LTBP4: variants seen among roughly 807,000 people sequenced by gnomAD.
LTBP4 encodes the protein latent transforming growth factor beta binding protein 4.
A neutral mutation model predicts 180.2 loss-of-function variants in LTBP4; 93 were observed. The observed-to-expected ratio is 0.52, with a 90% CI of 0.44 to 0.61. LTBP4 has a LOEUF of 0.61. LTBP4 is among the 20% of genes least tolerant of loss of function. The pLI is 0.00. For synonymous variants in LTBP4, 947 were observed against 934.5 expected (o/e 1.01, Z -0.24); for missense variants, 2,116 against 2,256.5 (o/e 0.94, Z 1.26).
At chr19:40,599,299 TAGG>T (rs1442502269), upstream of LTBP4, 5 of 1,613,078 alleles carry the variant, frequency 3.1e-6, no homozygotes, top group Admixed American at 6.7e-5. Context: ...CAAAAGGGAA[TAGG>T]AGGAGAGGGG....
Position 40,623,718 on chromosome 19 carries a change from G to A in LTBP4, c.3671G>A (p.Arg1224Gln), listed in dbSNP as rs1184865089. The A allele has an allele frequency of 6.2e-7, 1 of 1,613,822 alleles. No homozygotes were observed. Among genetic ancestry groups the A allele is most frequent in the Non-Finnish European group, 8.5e-7 (1 of 1,179,860 alleles). Reference protein sequence around the residue: ...CSNGYYYHTQRLECIDNDECA... With the variant: ...CSNGYYYHTQQLECIDNDECA... ...AACGGCTACTACTACCACACACAGC[G>A]GCTGGAGTGCATCGGTACAAGCCCC... is the stretch of plus-strand genomic sequence containing the variant. The change falls in exon 25 of 30, where the codon CGG (arginine) becomes CAG (glutamine). Residue 1224 changes from arginine to glutamine, a missense_variant. Transcript: ENST00000396819.
rs772465903 is a variant in LTBP4 at position 40,627,279 on chromosome 19, C to T, written c.4290C>T (p.Arg1430=). ...CTGCGCCACCTGGCCCGGGCACCCG[C>T]TGGCCCTATCGGTCCCGGGACACCC... The part of the protein sequence containing the change: ...EAPAPPGPGT[R]WPYRSRDTRR... Residue 1430 remains arginine (R), a synonymous_variant, in exon 28 of 30, where the codon CGC becomes CGT. Coordinates refer to ENST00000396819, the MANE Select transcript of LTBP4 (RefSeq NM_001042545.2). 1.3e-6 allele frequency: 2 copies of T among 1,541,528 alleles called. No homozygotes were observed. Among genetic ancestry groups the T allele is most frequent in the East Asian group, 4.8e-5 (2 of 41,686 alleles).
chr19:40,596,716 T>A (rs545480701), upstream of LTBP4, among the ~76,000 whole-genome samples: 1 of 152,072 alleles, frequency 6.6e-6, no homozygotes, highest in African/African-American at 2.4e-5. Flanking sequence ...GGGTTGGTGC[T>A]CCATTTGCAG....
At chr19:40,601,112 C>T (rs1040729811), upstream of LTBP4, among the ~76,000 whole-genome samples, 1 of 152,142 alleles carries the variant, frequency 6.6e-6, no homozygotes, top group Non-Finnish European at 1.5e-5. Flanking sequence ...TGTTCCCTTC[C>T]CCGCCGCTCC....
At chr19:40,599,999 A>AT (rs1568400282), upstream of LTBP4, 1 of 801,938 alleles carries the variant, frequency 1.2e-6, no homozygotes, top group Non-Finnish European at 1.7e-6. Context: ...TTTTCCTGGC[A>AT]TGGAGGCCCT....
rs1369802091 is a variant in LTBP4, at chr19:40,613,360, G to A, written c.2432-44G>A. Reference sequence around the variant, plus strand: ...TGCGATGTGGGCGGAGCTTGTCTGGGAGGCCGGGTCCCGTGACTCCGCCCA... The same window carrying A: ...TGCGATGTGGGCGGAGCTTGTCTGGAAGGCCGGGTCCCGTGACTCCGCCCA... On this transcript the variant is annotated intron_variant, in intron 16 of 29. Coordinates refer to ENST00000396819, the MANE Select transcript of LTBP4 (RefSeq NM_001042545.2). This position sits in a 1 kb window ranked among gnomAD's most constrained non-coding sequence, Gnocchi z 5.0. The A allele has an allele frequency of 6.3e-7, 1 of 1,589,312 alleles. No individual in the cohort carries two copies. Among genetic ancestry groups the A allele is most frequent in the Non-Finnish European group, 8.6e-7 (1 of 1,169,576 alleles).
In LTBP4 at chr19:40,613,213, C is replaced by T; in HGVS notation, c.2431+17C>T. The T allele has an allele frequency of 1.3e-6, 2 of 1,558,436 alleles. No individual in the cohort carries two copies. The highest frequency in any genetic ancestry group is 1.7e-6 in the Non-Finnish European group (2 of 1,150,698). On this transcript the variant is annotated intron_variant, in intron 16 of 29. Transcript: ENST00000396819. This position sits in a 1 kb window ranked among gnomAD's most constrained non-coding sequence, Gnocchi z 5.0. ...CCTGCGCAGGTGAGCAGCATAGGGA[C>T]CCGCCAGAGAGTCTGGGAGTAGGGC...
In LTBP4 at chr19:40,605,225, C is replaced by T. The variant is rs1176047992; in HGVS notation, c.441C>T (p.His147=). The change falls in exon 2 of 30, where the codon CAC becomes CAT. Residue 147 remains histidine (H), a splice_region_variant and synonymous_variant. Coordinates refer to ENST00000396819, the MANE Select transcript of LTBP4 (RefSeq NM_001042545.2). The surrounding 1 kb of genome is among the most constrained non-coding windows in gnomAD (Gnocchi z 5.5). The part of the protein sequence containing the change: ...MPLANHRDDE[H]GVASMVSVHV... Reference sequence around the variant, plus strand: ...TGGCCAACCACCGCGACGACGAGCACGGTGAGGAAAGGGTGGCCAGAGTCC... The same window carrying T: ...TGGCCAACCACCGCGACGACGAGCATGGTGAGGAAAGGGTGGCCAGAGTCC... 5.0e-6 allele frequency: 8 copies of T among 1,589,736 alleles called. No homozygotes were observed. Among genetic ancestry groups the T allele is most frequent in the Non-Finnish European group, 6.8e-6 (8 of 1,168,008 alleles).
chr19:40,607,966 T>G (rs2081475438), intron 7 of LTBP4, among the ~76,000 whole-genome samples: 1 of 152,238 alleles, frequency 6.6e-6, no homozygotes, highest in African/African-American at 2.4e-5. Context: ...ACTCTGTCCC[T>G]GTAGACCCAA....
In LTBP4 at chr19:40,609,396, G is replaced by A; in HGVS notation, c.1427-134G>A. 8.6e-7 allele frequency: 1 copy of A among 1,158,394 alleles called. No homozygotes were observed. The highest frequency in any genetic ancestry group is 1.2e-6 in the Non-Finnish European group (1 of 811,332). The allele number at this position is 1,158,394 out of a possible 1,614,324, so 71.8% of individuals were successfully genotyped here. On this transcript the variant is annotated intron_variant, in intron 9 of 29. Coordinates refer to ENST00000396819, the MANE Select transcript of LTBP4 (RefSeq NM_001042545.2). The surrounding 1 kb of genome is among the most constrained non-coding windows in gnomAD (Gnocchi z 4.9). ...AGGATAAAAAAGATGGAGATCAGAA[G>A]AAGACTGGGCTTGCTTGGGGAGGAG... is the stretch of plus-strand genomic sequence containing the variant.
chr19:40,624,703 A>AATTTT (rs554386301), intron 26 of LTBP4, among the ~76,000 whole-genome samples: 40 of 152,032 alleles, frequency 2.6e-4, no homozygotes, highest in Non-Finnish European at 4.9e-4. Flanking sequence ...CTGGCTGATG[A>AATTTT]ATTTTATTTT....
At chr19:40,619,145 C>T (rs1453142197) in intron 21 of LTBP4, among the ~76,000 whole-genome samples, 1 of 151,966 alleles carries the variant, frequency 6.6e-6, no homozygotes, top group African/African-American at 2.4e-5. Context: ...AGATATAGCC[C>T]TACTCAAAGA....
At chr19:40,607,566 C>G (rs754596044) in intron 7 of LTBP4, 37 bp downstream of exon 7, 2 of 1,560,360 alleles carry the variant, frequency 1.3e-6, no homozygotes, top group Non-Finnish European at 8.7e-7. Flanking sequence ...CTACGCGCAA[C>G]ACATGTGGCG....
chr19:40,601,614 C>A lies in LTBP4; in HGVS notation c.227C>A (p.Pro76Gln). 7.3e-7 allele frequency: 1 copy of A among 1,377,464 alleles called. No homozygotes were observed. The highest frequency in any genetic ancestry group is 2.4e-4 in the Middle Eastern group (1 of 4,100). 85.3% of individuals were successfully genotyped at this position (1,377,464 alleles called of 1,614,324 possible). The part of the protein sequence containing the change: ...VDSGAPGGAA[P>Q]GGPGFRAFLC... ...AGCGGCGCTCCCGGCGGGGCGGCCC[C>A]GGGGGGACCCGGCTTCCGCGCCTGT... The change falls in exon 1 of 30, where the codon CCG (proline) becomes CAG (glutamine). Residue 76 changes from proline (P) to glutamine (Q), a missense_variant. Pro to Gln is a moderately conservative substitution (Grantham distance 76). This residue lies in a region of LTBP4 where 469 missense variants were observed against 532.5 expected (regional missense o/e 0.88). Transcript: ENST00000396819.
rs771012845 is a variant in LTBP4, at chr19:40,623,731, C to T, written c.3684C>T (p.Ile1228=). 7 of 1,613,660 alleles carry T rather than the reference C, an allele frequency of 4.3e-6. No individual in the cohort carries two copies. Among genetic ancestry groups the T allele is most frequent in the South Asian group, 3.3e-5 (3 of 91,080 alleles). Residue 1228 remains isoleucine (I), a splice_region_variant and synonymous_variant, in exon 25 of 30, where the codon ATC becomes ATT. Transcript: ENST00000396819. ...ACCACACACAGCGGCTGGAGTGCAT[C>T]GGTACAAGCCCCACCTCCCCCAACC... ...YYYHTQRLEC[I]DNDECADEEP... is the part of the protein sequence containing the mutation.
chr19:40,593,192 C>G (rs1447987331), intron 1 of LTBP4: 2 of 1,613,842 alleles, frequency 1.2e-6, no homozygotes, highest in Non-Finnish European at 1.7e-6. Flanking sequence ...GTGAGTGCCT[C>G]TGAAACCGGG....
upstream of LTBP4, chr19:40,601,361 G>A (rs1170495481): frequency 1.5e-5 from 17 of 1,150,174 alleles, no homozygotes; most frequent in Non-Finnish European, 1.8e-5. Context: ...CTGGGGCGGC[G>A]GCGCGGCGGA....
rs2081452555 is a variant in LTBP4, at chr19:40,605,444, A to T, written c.482A>T (p.Gln161Leu). Residue 161 changes from glutamine (Q) to leucine (L), a missense_variant, in exon 3 of 30, where the codon CAG becomes CTG. Transcript: ENST00000396819. This position sits in a 1 kb window ranked among gnomAD's most constrained non-coding sequence, Gnocchi z 5.5. ...GTGAGCGTCCACGTGGAGCACCCGCAGGAGGCGTCGGTGGTGGTGCACCAG... is the reference window on the plus strand; with the variant it reads ...GTGAGCGTCCACGTGGAGCACCCGCTGGAGGCGTCGGTGGTGGTGCACCAG... The part of the protein sequence containing the change: ...SMVSVHVEHP[Q>L]EASVVVHQVE... 6.2e-7 allele frequency: 1 copy of T among 1,612,822 alleles called. No homozygotes were observed. Among genetic ancestry groups the T allele is most frequent in the African/African-American group, 1.3e-5 (1 of 75,062 alleles).
In LTBP4 at chr19:40,612,945, C is replaced by G. The variant is rs866372599; in HGVS notation, c.2300-120C>G. 4.5e-5 allele frequency: 44 copies of G among 984,898 alleles called. No individual in the cohort carries two copies. In the Middle Eastern group the frequency reaches 2.5e-3, roughly 57 times the overall value. The allele number at this position is 984,898 out of a possible 1,614,324, so 61.0% of individuals were successfully genotyped here. ...GCCCTACCCACCTCTGCCATAGAGC[C>G]CTCCCCCAGCCTCCAACTCATGAGA... On this transcript the variant is annotated intron_variant, in intron 15 of 29. Coordinates refer to ENST00000396819, the MANE Select transcript of LTBP4 (RefSeq NM_001042545.2).
Sources: allele counts gnomAD v4.1 joint callset (sites outside exome capture counted in the v4.1 genomes callset), GRCh38; gene constraint gnomAD v4.1.1; regional missense constraint gnomAD v4.1.1; non-coding constraint Gnocchi (gnomAD v3.1); transcripts MANE v1.5; gene names NCBI Gene and HGNC (gene_info 2026-07-23, HGNC 2026-07-21).